The following IFT43 variants were observed in gnomAD, a reference collection of about 807,000 sequenced individuals.
IFT43 encodes the protein intraflagellar transport protein 43 homolog.
Under a neutral mutation model 32.3 loss-of-function variants are expected in IFT43, and 33 were observed. That is an observed-to-expected ratio of 1.02 (90% CI 0.77 to 1.37). IFT43 has a LOEUF of 1.37. IFT43 is among the 40% of genes most tolerant of loss of function. The pLI is 0.00. For missense variants in IFT43, 274 were observed against 265.9 expected, an observed-to-expected ratio of 1.03 and a Z score of -0.21; for synonymous variants, 93 against 98.2, an observed-to-expected ratio of 0.95 and a Z score of 0.31.
chr14:75,992,978 C>T (rs1255790292), intron 2 of IFT43, among the ~76,000 whole-genome samples: 3 of 152,186 alleles, frequency 2.0e-5, no homozygotes, highest in African/African-American at 7.2e-5. Context: ...CTGAGTTAAT[C>T]TTGCTAAGCC....
At chr14:76,073,522 G>A (rs543766001) in intron 5 of IFT43, among the ~76,000 whole-genome samples, 3 of 152,248 alleles carry the variant, frequency 2.0e-5, no homozygotes, top group South Asian at 2.1e-4. Flanking sequence ...CAAGTGACGC[G>A]TTTTCCTTTC....
intron 5 of IFT43, among the ~76,000 whole-genome samples, chr14:76,062,690 G>A (rs1337172713): frequency 1.5e-5 from 1 of 66,978 alleles, no homozygotes; most frequent in Non-Finnish European, 2.8e-5. Context: ...GCCGAGGCTG[G>A]TGGATTGCCT....
At chr14:75,995,759 C>G (rs56032403) in intron 2 of IFT43, among the ~76,000 whole-genome samples, 1 of 152,190 alleles carries the variant, frequency 6.6e-6, no homozygotes, top group African/African-American at 2.4e-5. Context: ...CATAGCCGCT[C>G]TCCAATCGGC....
chr14:76,031,099 T>C (rs2036502763), intron 3 of IFT43, among the ~76,000 whole-genome samples: 1 of 148,920 alleles, frequency 6.7e-6, no homozygotes, highest in Non-Finnish European at 1.5e-5. Flanking sequence ...TATATGTATA[T>C]ATAAGTTTTT....
Position 76,083,238 on chromosome 14 carries a change from C to G in IFT43, c.456C>G (p.Ile152Met), listed in dbSNP as rs142020645. 2 of 1,614,096 alleles carry G rather than the reference C, an allele frequency of 1.2e-6. No homozygotes were observed. The highest frequency in any genetic ancestry group is 8.5e-7 in the Non-Finnish European group (1 of 1,180,002). Residue 152 changes from isoleucine (I) to methionine (M), a missense_variant, in exon 8 of 9, where the codon ATC becomes ATG. Transcript: ENST00000314067. ...YSAIQTLDGE[I>M]DLKLLTKVLA... is the part of the protein sequence containing the mutation. ...GTTTGCATTCACAGGATGGGGAGAT[C>G]GACCTGAAACTCCTCACCAAAGTGC... is the stretch of plus-strand genomic sequence containing the variant.
chr14:75,998,264 C>T (rs1247728506), intron 2 of IFT43, among the ~76,000 whole-genome samples: 1 of 152,136 alleles, frequency 6.6e-6, no homozygotes, highest in Non-Finnish European at 1.5e-5. Flanking sequence ...AATGAATCCT[C>T]AGGTGTGAGG....
At chr14:76,008,949 C>T (rs1368892637) in intron 2 of IFT43, among the ~76,000 whole-genome samples, 1 of 152,226 alleles carries the variant, frequency 6.6e-6, no homozygotes, top group African/African-American at 2.4e-5. Flanking sequence ...ATTTTCTGGA[C>T]CTCCTGTCTT....
rs938462482 is a variant in IFT43, at chr14:76,038,192, G to A, written c.215+15798G>A. 2.0e-5 allele frequency: 3 copies of A among 152,230 alleles called. No homozygotes were observed. The East Asian group carries it at 5.8e-4, about 29-fold the overall frequency. 9.4% of individuals were successfully genotyped at this position (152,230 alleles called of 1,614,324 possible). On this transcript the variant is annotated intron_variant, in intron 3 of 8. Coordinates refer to ENST00000314067, the MANE Select transcript of IFT43 (RefSeq NM_001102564.3). ...CCAATATTGGGTAAAATCAGATGGG[G>A]CTGTTGCATGTGAGATGGTTGAGAA...
intron 3 of IFT43, among the ~76,000 whole-genome samples, chr14:76,041,540 A>C (rs773252737): frequency 1.3e-5 from 2 of 152,168 alleles, no homozygotes; most frequent in Non-Finnish European, 2.9e-5. Flanking sequence ...AAACAGCCCC[A>C]CTGATTCTGT....
intron 3 of IFT43, among the ~76,000 whole-genome samples, chr14:76,038,774 G>A (rs925677155): frequency 6.6e-6 from 1 of 152,204 alleles, no homozygotes; most frequent in Non-Finnish European, 1.5e-5. Flanking sequence ...GCTATCTTTA[G>A]TCCTTTCCTA....
chr14:76,045,234 A>G (rs952830632), intron 3 of IFT43, among the ~76,000 whole-genome samples: 4 of 152,200 alleles, frequency 2.6e-5, no homozygotes, highest in African/African-American at 9.6e-5. Context: ...GGGTCTGCTC[A>G]TCTTTTTCCC....
intron 3 of IFT43, among the ~76,000 whole-genome samples, chr14:76,029,248 C>T (rs925952982): frequency 2.6e-5 from 4 of 152,184 alleles, no homozygotes; most frequent in Non-Finnish European, 5.9e-5. Context: ...TGTTTGTTGG[C>T]TGCTTGTATG....
intron 3 of IFT43, among the ~76,000 whole-genome samples, chr14:76,030,089 T>A (rs1261300612): frequency 6.6e-6 from 1 of 151,978 alleles, no homozygotes; most frequent in Admixed American, 6.6e-5. Flanking sequence ...GGTCTCACTG[T>A]GTTGCTGAGG....
chr14:76,000,860 T>A (rs1278702518), intron 2 of IFT43, among the ~76,000 whole-genome samples: 1 of 152,216 alleles, frequency 6.6e-6, no homozygotes, highest in Non-Finnish European at 1.5e-5. Context: ...TCTTAGCAGT[T>A]GGTGAACAAG....
chr14:76,076,824 C>T, intron 5 of IFT43: 1 of 978,980 alleles, frequency 1.0e-6, no homozygotes. Flanking sequence ...ATGGCAGTTG[C>T]CCTCACATCC....
At chr14:76,059,395 T>C (rs1395129045) in intron 5 of IFT43, 22 bp downstream of exon 5, 2 of 1,611,594 alleles carry the variant, frequency 1.2e-6, no homozygotes, top group Admixed American at 3.3e-5. Context: ...TTGGAGGAAG[T>C]CAAAAGGTCT....
intron 5 of IFT43, among the ~76,000 whole-genome samples, chr14:76,079,562 T>A (rs2037471286): frequency 6.6e-6 from 1 of 152,196 alleles, no homozygotes; most frequent in Non-Finnish European, 1.5e-5. Context: ...TTCTTAACCA[T>A]GGAGCAAGGA....
At chr14:76,056,652 G>A (rs565504951) in intron 3 of IFT43, among the ~76,000 whole-genome samples, 2 of 152,264 alleles carry the variant, frequency 1.3e-5, no homozygotes, top group Admixed American at 1.3e-4. Flanking sequence ...CTTTAATCCC[G>A]GGATTCTTCT....
intron 5 of IFT43, among the ~76,000 whole-genome samples, chr14:76,072,041 T>G (rs1442195654): frequency 6.6e-6 from 1 of 152,200 alleles, no homozygotes; most frequent in Non-Finnish European, 1.5e-5. Context: ...GTTCTGTTGC[T>G]CCTCTCATTG....
Sources: gnomAD v4.1 joint callset for allele counts (sites outside exome capture counted in the v4.1 genomes callset) on GRCh38, gnomAD v4.1.1 for gene constraint, MANE v1.5 for transcripts, NCBI Gene and HGNC (gene_info 2026-07-23, HGNC 2026-07-21) for gene names.